Variants in CYBB observed in about 807,000 individuals in gnomAD.
The protein encoded by CYBB is NADPH oxidase 2.
In CYBB, 5 loss-of-function variants were observed where a neutral mutation model predicts 46.5. The observed-to-expected ratio is 0.11, with a 90% CI of 0.06 to 0.23. The LOEUF is 0.23. Among genes scored for constraint, CYBB ranks in the 10% least tolerant of loss-of-function variants. CYBB has a pLI of 1.00. For missense variants in CYBB, 307 were observed against 428.3 expected (o/e 0.72, Z 2.50); for synonymous variants, 183 against 156.7 (o/e 1.17, Z -1.26).
intron 8 of CYBB, among the ~76,000 whole-genome samples, chrX:37,801,957 C>G (rs1288793862): frequency 6.3e-5 from 7 of 111,221 alleles, no homozygotes; most frequent in African/African-American, 1.6e-4. Flanking sequence ...TTCCTGAACT[C>G]TAATCTGTTT....
intron 3 of CYBB, among the ~76,000 whole-genome samples, chrX:37,785,716 T>C (rs1929052358): frequency 9.0e-6 from 1 of 111,506 alleles, no homozygotes; most frequent in Non-Finnish European, 1.9e-5. Context: ...GCGAGTTCCT[T>C]GTTTCTAAGG....
intron 7 of CYBB, among the ~76,000 whole-genome samples, chrX:37,800,496 C>T (rs1929413624): frequency 9.0e-6 from 1 of 111,049 alleles, no homozygotes. Context: ...TTATCTTTTC[C>T]CCCTTAGAAT....
In CYBB at chrX:37,811,003, T is replaced by A; in HGVS notation, c.*86T>A. The A allele has an allele frequency of 1.1e-6, 1 of 895,775 alleles. No individual in the cohort carries two copies. 73.8% of individuals were successfully genotyped at this position (895,775 alleles called of 1,213,427 possible). A position where few individuals can be genotyped will look rare whatever the true frequency, so the allele number is the denominator to read the frequency against. On this transcript the variant is annotated 3_prime_UTR_variant, in exon 13 of 13. Transcript: ENST00000378588. ...ATTGATAATATAAATACCCCCTGCTTAAAAATGGACAAAAAGAAACTATAA... is the reference window on the plus strand; with the variant it reads ...ATTGATAATATAAATACCCCCTGCTAAAAAATGGACAAAAAGAAACTATAA...
At chrX:37,793,897 C>CAA (rs367874125) in intron 5 of CYBB, 87 bp downstream of exon 5, 408 of 732,991 alleles carry the variant, frequency 5.6e-4, no homozygotes, top group Middle Eastern at 9.5e-4. Flanking sequence ...TCTCCTTTGC[C>CAA]AAAAAAAAAA....
At chrX:37,802,186 TG>T (rs1418056982) in intron 8 of CYBB, among the ~76,000 whole-genome samples, 1 of 111,668 alleles carries the variant, frequency 9.0e-6, no homozygotes, top group East Asian at 2.8e-4. Context: ...TTGCTGTCTA[TG>T]GTGGGTCATA....
chrX:37,784,671 A>G (rs190232735), intron 3 of CYBB, among the ~76,000 whole-genome samples: 2 of 111,729 alleles, frequency 1.8e-5, no homozygotes, highest in African/African-American at 6.5e-5. Context: ...TCCGTGGTTC[A>G]TTAATGACTA....
At chrX:37,803,553 G>A (rs1929491105) in intron 8 of CYBB, among the ~76,000 whole-genome samples, 1 of 111,668 alleles carries the variant, frequency 9.0e-6, no homozygotes, top group Admixed American at 9.5e-5. Context: ...TGGGGAGAGA[G>A]AAAAGCTGAT....
intron 6 of CYBB, among the ~76,000 whole-genome samples, chrX:37,796,808 G>A (rs964204601): frequency 1.3e-4 from 15 of 111,745 alleles, no homozygotes; most frequent in African/African-American, 4.2e-4. Flanking sequence ...GAAACCTGGA[G>A]CTAAAATGTT....
intron 1 of CYBB, among the ~76,000 whole-genome samples, chrX:37,781,121 A>G (rs1928943344): frequency 8.9e-6 from 1 of 112,808 alleles, no homozygotes; most frequent in African/African-American, 3.2e-5. Context: ...ACTGCAACAG[A>G]GAATTCTTCC....
rs367874125 is a variant in CYBB, at chrX:37,793,897, CAA to C, written c.483+99_483+100del. ...CAGTGAGTGAAGACCTCTCCTTTGC[CAA>C]AAAAAAAAAAAGTTGGCTAACCATC... On this transcript the variant is annotated intron_variant, in intron 5 of 12. Coordinates refer to ENST00000378588, the MANE Select transcript of CYBB (RefSeq NM_000397.4). 1,701 of 717,817 alleles carry C rather than the reference CAA, an allele frequency of 2.4e-3. 1 individual carries two copies. Among genetic ancestry groups the C allele is most frequent in the Non-Finnish European group, 2.8e-3 (1,392 of 504,887 alleles). 59.2% of individuals were successfully genotyped at this position (717,817 alleles called of 1,213,427 possible). A position where few individuals can be genotyped will look rare whatever the true frequency, so the allele number is the denominator to read the frequency against.
intron 3 of CYBB, among the ~76,000 whole-genome samples, chrX:37,791,669 TG>T (rs1929199296): frequency 8.9e-6 from 1 of 112,131 alleles, no homozygotes; most frequent in Non-Finnish European, 1.9e-5. Flanking sequence ...TAGCTAGATA[TG>T]TTTTTTGTAC....
chrX:37,791,761 G>A (rs2146809141), intron 3 of CYBB, among the ~76,000 whole-genome samples: 1 of 111,956 alleles, frequency 8.9e-6, no homozygotes, highest in South Asian at 3.7e-4. Context: ...AAACATACCA[G>A]TTAAGCCAGC....
At chrX:37,792,679 C>A (rs1929222013) in intron 4 of CYBB, among the ~76,000 whole-genome samples, 1 of 110,753 alleles carries the variant, frequency 9.0e-6, no homozygotes, top group South Asian at 3.8e-4. Flanking sequence ...ACAAATCATT[C>A]ATGTGCCAGA....
At chrX:37,810,348 C>T (rs902168773) in intron 12 of CYBB, among the ~76,000 whole-genome samples, 2 of 112,007 alleles carry the variant, frequency 1.8e-5, no homozygotes, top group Middle Eastern at 4.6e-3. Flanking sequence ...AAAAAGCTGA[C>T]GCCAAGGCTA....
chrX:37,781,676 G>A (rs945925272), intron 1 of CYBB, among the ~76,000 whole-genome samples: 2 of 111,018 alleles, frequency 1.8e-5, no homozygotes, highest in African/African-American at 6.7e-5. Flanking sequence ...GAGGTGATTA[G>A]CACCTGTGAG....
Position 37,803,914 on chromosome X carries a change from T to G in CYBB, c.935T>G (p.Met312Arg). Residue 312 changes from methionine (M) to arginine (R), a missense_variant, in exon 9 of 13, where the codon ATG (methionine) becomes AGG (arginine). Coordinates refer to ENST00000378588, the MANE Select transcript of CYBB (RefSeq NM_000397.4). ...CCTTTCAAAACCATCGAGCTACAGA[T>G]GAAGAAGAAGGGGTTCAAAATGGAA... ...THPFKTIELQ[M>R]KKKGFKMEVG... is the part of the protein sequence containing the mutation. The G allele has an allele frequency of 8.3e-7, 1 of 1,210,600 alleles. No homozygotes were observed. The highest frequency in any genetic ancestry group is 1.1e-6 in the Non-Finnish European group (1 of 894,573).
intron 3 of CYBB, among the ~76,000 whole-genome samples, chrX:37,790,486 G>A (rs1929175180): frequency 8.9e-6 from 1 of 112,090 alleles, no homozygotes; most frequent in Non-Finnish European, 1.9e-5. Context: ...TTACCTTGTT[G>A]CATTAAATGA....
chrX:37,786,601 AC>A (rs1556465597), intron 3 of CYBB, among the ~76,000 whole-genome samples: 3 of 110,928 alleles, frequency 2.7e-5, no homozygotes, highest in African/African-American at 9.9e-5. Flanking sequence ...AGGGTTGCCC[AC>A]CCCACCACTC....
rs28372746 is a variant in CYBB at position 37,810,183 on chromosome X, A to G, written c.1586+492A>G. On this transcript the variant is annotated intron_variant, in intron 12 of 12. Coordinates refer to ENST00000378588, the MANE Select transcript of CYBB (RefSeq NM_000397.4). ...CTTGAGGGGGATCCCTTATCTTGCT[A>G]GAACACCTAAGAAACTCAAGAGATC... Among the ~76,000 whole-genome samples, 291 of 112,059 alleles carry G rather than the reference A, an allele frequency of 2.6e-3. 2 individuals carry two copies. The highest frequency in any genetic ancestry group is 0.021 in the Admixed American group (218 of 10,546).
Sources: allele counts gnomAD v4.1 joint callset (sites outside exome capture counted in the v4.1 genomes callset), GRCh38; gene constraint gnomAD v4.1.1; transcripts MANE v1.5; gene names NCBI Gene and HGNC (gene_info 2026-07-23, HGNC 2026-07-21).